OPCML: variants seen among roughly 807,000 people sequenced by gnomAD.
OPCML encodes the protein opioid-binding protein/cell adhesion molecule.
OPCML carries 13 observed loss-of-function variants against 37.8 expected under a neutral mutation model. The ratio of observed to expected loss-of-function variants is 0.34; its 90% CI spans 0.22 to 0.55. The LOEUF is 0.55. Ranked by LOEUF, OPCML falls within the 20% of genes least tolerant of loss-of-function variation. The pLI, the probability that OPCML is intolerant of heterozygous loss-of-function variation, is 0.91. For synonymous variants in OPCML, 176 were observed against 168.8 expected, an observed-to-expected ratio of 1.04 and a Z score of -0.33; for missense variants, 341 against 435.6, an observed-to-expected ratio of 0.78 and a Z score of 1.93.
intron 3 of OPCML, among the ~76,000 whole-genome samples, chr11:132,531,442 T>G (rs2512710): frequency 0.41 from 62,873 of 152,086 alleles, 15,104 homozygotes; most frequent in Non-Finnish European, 0.55. Flanking sequence ...TGAGTTGATG[T>G]CAAAGGAGAA....
intron 2 of OPCML, among the ~76,000 whole-genome samples, chr11:132,758,129 GA>G (rs1946124320): frequency 1.3e-5 from 2 of 152,104 alleles, no homozygotes; most frequent in African/African-American, 2.4e-5. Context: ...TGTTATTTCT[GA>G]GGGCTCTGTT....
intron 1 of OPCML, among the ~76,000 whole-genome samples, chr11:133,384,263 A>AG (rs1431892092): frequency 0.017 from 646 of 38,800 alleles, 8 homozygotes; most frequent in African/African-American, 0.053. Context: ...AAAAAAAAAA[A>AG]AAGAAAAGAA....
At chr11:132,735,359 C>G (rs1945218920) in intron 2 of OPCML, among the ~76,000 whole-genome samples, 1 of 152,058 alleles carries the variant, frequency 6.6e-6, no homozygotes, top group Admixed American at 6.6e-5. Context: ...AAAAGTTTGT[C>G]TAAGGGCAGA....
intron 1 of OPCML, among the ~76,000 whole-genome samples, chr11:133,528,199 T>C (rs534041661): frequency 6.6e-6 from 1 of 152,344 alleles, no homozygotes; most frequent in Admixed American, 6.5e-5. Flanking sequence ...GAAAAAGCCA[T>C]CTTCATGAGG....
chr11:133,267,955 T>A (rs1941711015), intron 1 of OPCML, among the ~76,000 whole-genome samples: 2 of 152,208 alleles, frequency 1.3e-5, no homozygotes. Flanking sequence ...TTATCCAGTC[T>A]CGGGTATGTC....
chr11:133,399,815 T>G (rs939411267), intron 1 of OPCML, among the ~76,000 whole-genome samples: 2 of 151,384 alleles, frequency 1.3e-5, no homozygotes, highest in Non-Finnish European at 2.9e-5. Context: ...GTCTTCCCTT[T>G]AATCCAGTTT....
In OPCML at chr11:132,937,415, AG is replaced by A. The variant is rs796649543; in HGVS notation, c.146+5510del. 3.9e-4 allele frequency among the ~76,000 whole-genome samples: 59 copies of A among 152,330 alleles called. 1 individual carries two copies. Among genetic ancestry groups the A allele is most frequent in the Middle Eastern group, 3.4e-3 (1 of 294 alleles). ...GTTTTCCAGAAAGGTTCAGAAAGCC[AG>A]GGAACATATATTTCTAATGCTTTAA... On this transcript the variant is annotated intron_variant, in intron 2 of 7. Coordinates refer to ENST00000524381, the MANE Select transcript of OPCML (RefSeq NM_001012393.5).
At chr11:132,556,452 C>G (rs1212569009) in intron 3 of OPCML, among the ~76,000 whole-genome samples, 1 of 152,096 alleles carries the variant, frequency 6.6e-6, no homozygotes, top group Non-Finnish European at 1.5e-5. Context: ...TAGAATTTGC[C>G]TCATGACACA....
chr11:133,003,634 T>C (rs1947053131), intron 1 of OPCML: 4 of 983,278 alleles, frequency 4.1e-6, no homozygotes, highest in South Asian at 9.4e-5. Context: ...GACCACAATA[T>C]TCTATTGTTT....
intron 2 of OPCML, among the ~76,000 whole-genome samples, chr11:132,681,254 A>T (rs534619758): frequency 2.7e-4 from 41 of 152,338 alleles, no homozygotes; most frequent in African/African-American, 9.1e-4. Flanking sequence ...AGAACTTTAC[A>T]TCCCCATTTT....
At chr11:132,511,226 A>T (rs1255868974) in intron 4 of OPCML, among the ~76,000 whole-genome samples, 1 of 152,154 alleles carries the variant, frequency 6.6e-6, no homozygotes, top group Non-Finnish European at 1.5e-5. Flanking sequence ...AATATGACAT[A>T]ATTTGGAACC....
intron 2 of OPCML, among the ~76,000 whole-genome samples, chr11:132,880,150 C>T (rs113773908): frequency 0.012 from 1,757 of 152,112 alleles, 28 homozygotes; most frequent in African/African-American, 0.04. Context: ...TCTTTCAGTT[C>T]TTGGGCTTTT....
intron 2 of OPCML, among the ~76,000 whole-genome samples, chr11:132,931,970 T>C (rs1460731905): frequency 6.6e-6 from 1 of 152,188 alleles, no homozygotes; most frequent in African/African-American, 2.4e-5. Flanking sequence ...TGCTACAGCA[T>C]GGATGAACCT....
chr11:132,421,451 C>G (rs2095958791), intron 7 of OPCML, among the ~76,000 whole-genome samples: 3 of 152,272 alleles, frequency 2.0e-5, no homozygotes, highest in African/African-American at 7.2e-5. Context: ...TTAGACAGGA[C>G]TAGTTCATTT....
chr11:132,668,460 G>C (rs1339740066), intron 2 of OPCML, among the ~76,000 whole-genome samples: 1 of 152,160 alleles, frequency 6.6e-6, no homozygotes, highest in Non-Finnish European at 1.5e-5. Flanking sequence ...TGTGAAGTGG[G>C]ATGAACGTAT....
intron 1 of OPCML, among the ~76,000 whole-genome samples, chr11:133,334,002 G>T (rs1341765804): frequency 2.6e-5 from 4 of 152,174 alleles, no homozygotes; most frequent in Non-Finnish European, 5.9e-5. Flanking sequence ...ACAGATGCTG[G>T]TGAGGTTGTG....
At chr11:133,287,408 G>A (rs1406229395) in intron 1 of OPCML, among the ~76,000 whole-genome samples, 2 of 150,386 alleles carry the variant, frequency 1.3e-5, no homozygotes, top group Non-Finnish European at 3.0e-5. Flanking sequence ...CGAAACAAGT[G>A]GGCAAAATAT....
intron 1 of OPCML, among the ~76,000 whole-genome samples, chr11:133,060,671 G>C (rs1948325511): frequency 6.6e-6 from 1 of 152,232 alleles, no homozygotes. Flanking sequence ...TGGGAAGGCA[G>C]GTGCCTCATT....
At chr11:132,693,844 C>T (rs778980190) in intron 2 of OPCML, among the ~76,000 whole-genome samples, 4 of 152,076 alleles carry the variant, frequency 2.6e-5, no homozygotes, top group African/African-American at 9.7e-5. Flanking sequence ...TCAAGGGCCA[C>T]CACGGAGAGG....
Sources: gnomAD v4.1 joint callset for allele counts (sites outside exome capture counted in the v4.1 genomes callset) on GRCh38, gnomAD v4.1.1 for gene constraint, MANE v1.5 for transcripts, NCBI Gene and HGNC (gene_info 2026-07-23, HGNC 2026-07-21) for gene names.